The following IL2RB variants were observed in gnomAD, a reference collection of about 807,000 sequenced individuals.
IL2RB encodes the protein interleukin-2 receptor subunit beta.
IL2RB carries 17 observed loss-of-function variants against 44.2 expected under a neutral mutation model. The ratio of observed to expected loss-of-function variants is 0.38; its 90% CI spans 0.26 to 0.58. IL2RB has a LOEUF of 0.58. Among genes scored for constraint, IL2RB ranks in the 20% least tolerant of loss-of-function variants. The probability of loss-of-function intolerance (pLI) is 0.63; values close to 1 mark genes in which losing one functional copy is unlikely to be tolerated. For synonymous variants in IL2RB, 286 were observed against 297.9 expected (o/e 0.96, Z 0.41); for missense variants, 624 against 685.5 (o/e 0.91, Z 1.00).
chr22:37,142,190 A>G (rs1228680234), intron 4 of IL2RB, among the ~76,000 whole-genome samples: 2 of 152,220 alleles, frequency 1.3e-5, no homozygotes, highest in Non-Finnish European at 2.9e-5. Context: ...CAGCAGGAGC[A>G]GAGGCAGAAT....
chr22:37,160,278 G>A (rs1306914333), intron 1 of IL2RB, among the ~76,000 whole-genome samples: 1 of 152,244 alleles, frequency 6.6e-6, no homozygotes, highest in Non-Finnish European at 1.5e-5. Context: ...GAGCATCACT[G>A]GAGTGTATGA....
At chr22:37,165,140 A>G (rs1317489374) in intron 1 of IL2RB, among the ~76,000 whole-genome samples, 1 of 152,228 alleles carries the variant, frequency 6.6e-6, no homozygotes, top group African/African-American at 2.4e-5. Flanking sequence ...GGGGAGGTTA[A>G]ATAACTCGCC....
intron 1 of IL2RB, among the ~76,000 whole-genome samples, chr22:37,171,798 T>C (rs1251953655): frequency 6.6e-6 from 1 of 152,198 alleles, no homozygotes; most frequent in Non-Finnish European, 1.5e-5. Flanking sequence ...TTGTACAGAA[T>C]AGAAAGCTGC....
chr22:37,148,440 C>T (rs1412942874), intron 1 of IL2RB, among the ~76,000 whole-genome samples: 1 of 152,108 alleles, frequency 6.6e-6, no homozygotes, highest in Non-Finnish European at 1.5e-5. Flanking sequence ...TCAGGCACAC[C>T]CACACGTGCC....
chr22:37,139,720 C>T (rs1221044773), intron 4 of IL2RB, among the ~76,000 whole-genome samples: 1 of 152,182 alleles, frequency 6.6e-6, no homozygotes, highest in African/African-American at 2.4e-5. Context: ...TCTCCCCATC[C>T]CTACGCCTTG....
intron 9 of IL2RB, among the ~76,000 whole-genome samples, chr22:37,129,918 A>G (rs963507362): frequency 3.9e-5 from 6 of 152,202 alleles, no homozygotes; most frequent in African/African-American, 9.6e-5. Flanking sequence ...CTCTGTGCCC[A>G]GCATGGCGGG....
Position 37,136,213 on chromosome 22 carries a change from G to A in IL2RB, c.703+15C>T, listed in dbSNP as rs1195641145. 6.2e-7 allele frequency: 1 copy of A among 1,601,924 alleles called. No homozygotes were observed. The highest frequency in any genetic ancestry group is 2.2e-5 in the East Asian group (1 of 44,528). On this transcript the variant is annotated intron_variant, in intron 7 of 9. Coordinates refer to ENST00000216223, the MANE Select transcript of IL2RB (RefSeq NM_000878.5). ...CCTGCCTGAGCCCCCTCTCACCCTT[G>A]CCGCCCACCAGTACCTGCAGGCTTT... is the stretch of plus-strand genomic sequence containing the variant.
intron 9 of IL2RB, among the ~76,000 whole-genome samples, chr22:37,130,545 C>T (rs1290504242): frequency 6.6e-6 from 1 of 152,232 alleles, no homozygotes; most frequent in Non-Finnish European, 1.5e-5. Flanking sequence ...CTTTGCCATC[C>T]CCAACCCCCA....
chr22:37,130,180 G>A (rs552426543), intron 9 of IL2RB, among the ~76,000 whole-genome samples: 2 of 152,252 alleles, frequency 1.3e-5, no homozygotes, highest in South Asian at 2.1e-4. Flanking sequence ...AAAGAGGGTC[G>A]CTGGCTGGGC....
intron 4 of IL2RB, among the ~76,000 whole-genome samples, chr22:37,140,179 A>G (rs1921893436): frequency 6.6e-6 from 1 of 152,008 alleles, no homozygotes; most frequent in African/African-American, 2.4e-5. Context: ...CTTAAACCTG[A>G]TCGTTGGAAT....
chr22:37,135,696 C>T (rs566451310), intron 7 of IL2RB, among the ~76,000 whole-genome samples: 1 of 151,990 alleles, frequency 6.6e-6, no homozygotes, highest in Non-Finnish European at 1.5e-5. Flanking sequence ...AGCCTACAGC[C>T]CCCCACCACC....
At chr22:37,158,019 T>C (rs1362073170) in intron 1 of IL2RB, among the ~76,000 whole-genome samples, 18 of 152,156 alleles carry the variant, frequency 1.2e-4, no homozygotes, top group African/African-American at 4.1e-4. Context: ...CCTGCTGGCG[T>C]GGGCTTCAAG....
rs572597026 is a variant in IL2RB, at chr22:37,131,383, G to T, written c.903+1001C>A. 5.1e-4 allele frequency among the ~76,000 whole-genome samples: 78 copies of T among 152,174 alleles called. 1 individual carries two copies. In the East Asian group the frequency reaches 5.4e-3, roughly 11 times the overall value. ...CCTCATCCCCACCCCCCAATCTTGG[G>T]AGCCTAGAGTGGGGCTAGGGTGGTA... On this transcript the variant is annotated intron_variant, in intron 9 of 9. Coordinates refer to ENST00000216223, the MANE Select transcript of IL2RB (RefSeq NM_000878.5).
At chr22:37,153,937 T>C (rs1442941435), upstream of IL2RB, among the ~76,000 whole-genome samples, 1 of 152,252 alleles carries the variant, frequency 6.6e-6, no homozygotes, top group Non-Finnish European at 1.5e-5. Context: ...TCAGTCTGCC[T>C]GGCACATACT....
chr22:37,138,342 C>T (rs1921806276), intron 5 of IL2RB, among the ~76,000 whole-genome samples: 1 of 152,192 alleles, frequency 6.6e-6, no homozygotes, highest in Non-Finnish European at 1.5e-5. Context: ...TTCTATGTCT[C>T]AGTTCAAAGA....
intron 1 of IL2RB, among the ~76,000 whole-genome samples, chr22:37,146,815 C>CAA (rs34900038): frequency 4.2e-5 from 6 of 141,662 alleles, no homozygotes; most frequent in Admixed American, 7.1e-5. Flanking sequence ...CTCAGTACGG[C>CAA]AAAAAAAAAA....
rs138141902 is a variant in IL2RB at position 37,136,297 on chromosome 22, G to A, written c.634C>T (p.Pro212Ser). 32 of 1,612,962 alleles carry A rather than the reference G, an allele frequency of 2.0e-5. No homozygotes were observed. Among genetic ancestry groups the A allele is most frequent in the Non-Finnish European group, 2.7e-5 (32 of 1,179,746 alleles). ...TQYEFQVRVK[P>S]LQGEFTTWSP... ...CAGGTCGTGAACTCGCCTTGCAGAGGCTTGACCCGCACCTGAAACTCATAC... is the reference window on the plus strand; with the variant it reads ...CAGGTCGTGAACTCGCCTTGCAGAGACTTGACCCGCACCTGAAACTCATAC... The change falls in exon 7 of 10, where the codon CCT (proline) becomes TCT (serine). Residue 212 changes from proline to serine, a missense_variant. By Grantham distance (74) the Pro-to-Ser change is moderately conservative (BLOSUM62 -1). Around this residue, in one of 3 missense-constraint regions of IL2RB, gnomAD observed 255 missense variants for 339.9 expected, o/e 0.75. Coordinates refer to ENST00000216223, the MANE Select transcript of IL2RB (RefSeq NM_000878.5).
intron 1 of IL2RB, among the ~76,000 whole-genome samples, chr22:37,148,753 GT>G (rs1468759035): frequency 6.6e-6 from 1 of 152,094 alleles, no homozygotes; most frequent in East Asian, 1.9e-4. Context: ...TAAGAAACGG[GT>G]CAACCTCTCA....
At chr22:37,146,815 CA>C (rs34900038) in intron 1 of IL2RB, among the ~76,000 whole-genome samples, 11,525 of 140,932 alleles carry the variant, frequency 0.082, 679 homozygotes, top group East Asian at 0.21. Context: ...CTCAGTACGG[CA>C]AAAAAAAAAA....
Sources: allele counts gnomAD v4.1 joint callset (sites outside exome capture counted in the v4.1 genomes callset), GRCh38; gene constraint gnomAD v4.1.1; regional missense constraint gnomAD v4.1.1; transcripts MANE v1.5; gene names NCBI Gene and HGNC (gene_info 2026-07-23, HGNC 2026-07-21).